The following NFIA variants were observed in gnomAD, a reference collection of about 807,000 sequenced individuals.
NFIA encodes nuclear factor 1 A-type.
NFIA carries 8 observed loss-of-function variants against 62.8 expected under a neutral mutation model. The observed-to-expected ratio is 0.13, with a 90% CI of 0.07 to 0.23. NFIA has a LOEUF of 0.23. Ranked by LOEUF, NFIA falls within the 10% of genes least tolerant of loss-of-function variation. NFIA has a pLI of 1.00. For synonymous variants in NFIA, 235 were observed against 238.1 expected, an observed-to-expected ratio of 0.99 and a Z score of 0.12; for missense variants, 410 against 642.1, an observed-to-expected ratio of 0.64 and a Z score of 3.91.
chr1:61,203,964 G>A (rs1652715860), intron 2 of NFIA, among the ~76,000 whole-genome samples: 1 of 150,846 alleles, frequency 6.6e-6, no homozygotes, highest in African/African-American at 2.4e-5. Flanking sequence ...ATATTTAGGT[G>A]TGTGTATGAG....
At chr1:61,150,179 T>C (rs1257120695) in intron 2 of NFIA, among the ~76,000 whole-genome samples, 3 of 152,206 alleles carry the variant, frequency 2.0e-5, no homozygotes, top group Non-Finnish European at 4.4e-5. Flanking sequence ...CCGTGAGTTA[T>C]TCTCGCGGGG....
At chr1:61,231,312 A>G (rs1188400869) in intron 2 of NFIA, among the ~76,000 whole-genome samples, 2 of 152,164 alleles carry the variant, frequency 1.3e-5, no homozygotes, top group Admixed American at 1.3e-4. Flanking sequence ...TGATGTCACC[A>G]CTAAAGTTTG....
chr1:61,267,410 G>A (rs1386696880), intron 2 of NFIA, among the ~76,000 whole-genome samples: 4 of 152,112 alleles, frequency 2.6e-5, no homozygotes, highest in Non-Finnish European at 4.4e-5. Flanking sequence ...TTGGGAGGCT[G>A]AGGCAGGAGA....
At chr1:61,282,476 C>T (rs1404672330) in intron 3 of NFIA, among the ~76,000 whole-genome samples, 1 of 152,164 alleles carries the variant, frequency 6.6e-6, no homozygotes, top group Non-Finnish European at 1.5e-5. Flanking sequence ...AAATGCCTGC[C>T]TGATATTTAC....
At chr1:61,363,320 TA>T (rs1442197984) in intron 6 of NFIA, among the ~76,000 whole-genome samples, 1 of 152,130 alleles carries the variant, frequency 6.6e-6, no homozygotes, top group African/African-American at 2.4e-5. Context: ...TAAAACGTTA[TA>T]AAGCCGGGTG....
chr1:61,189,296 C>G (rs939619865), intron 2 of NFIA, among the ~76,000 whole-genome samples: 3 of 152,152 alleles, frequency 2.0e-5, no homozygotes, highest in African/African-American at 7.2e-5. Context: ...CCTTCTGCTT[C>G]TGTTCTGCTC....
chr1:61,270,812 A>G (rs138127986), intron 2 of NFIA, among the ~76,000 whole-genome samples: 34 of 152,362 alleles, frequency 2.2e-4, no homozygotes, highest in African/African-American at 7.2e-4. Context: ...GTGATCGGGT[A>G]GACTCAATAA....
At chr1:61,084,094 C>G (rs1019240677) in intron 1 of NFIA, among the ~76,000 whole-genome samples, 2 of 152,262 alleles carry the variant, frequency 1.3e-5, no homozygotes, top group Admixed American at 1.3e-4. Context: ...CCATTAATCA[C>G]CTACATGAAG....
chr1:61,240,466 A>C (rs571227205), intron 2 of NFIA, among the ~76,000 whole-genome samples: 1 of 152,234 alleles, frequency 6.6e-6, no homozygotes, highest in Admixed American at 6.5e-5. Flanking sequence ...CTATAAGAGT[A>C]GGTTCACAGG....
At chr1:61,184,211 G>A (rs897905352) in intron 2 of NFIA, among the ~76,000 whole-genome samples, 1 of 151,622 alleles carries the variant, frequency 6.6e-6, no homozygotes, top group Non-Finnish European at 1.5e-5. Context: ...GACTCGGCTT[G>A]CTTCTCCTGG....
intron 2 of NFIA, among the ~76,000 whole-genome samples, chr1:61,159,774 C>T (rs1451209862): frequency 9.3e-5 from 14 of 150,720 alleles, no homozygotes; most frequent in Middle Eastern, 3.4e-3. Flanking sequence ...CTCTGCCTCC[C>T]GGGCTCAAGC....
At chr1:61,257,142 C>A (rs1370924668) in intron 2 of NFIA, among the ~76,000 whole-genome samples, 1 of 151,884 alleles carries the variant, frequency 6.6e-6, no homozygotes, top group Non-Finnish European at 1.5e-5. Flanking sequence ...ACCCAATATC[C>A]TTAGCTGCGT....
intron 9 of NFIA, among the ~76,000 whole-genome samples, chr1:61,426,018 G>A (rs2100553566): frequency 6.6e-6 from 1 of 152,300 alleles, no homozygotes; most frequent in South Asian, 2.1e-4. Context: ...AGAGGCACAG[G>A]ACCATTTCAT....
intron 2 of NFIA, among the ~76,000 whole-genome samples, chr1:61,102,131 T>C (rs758343113): frequency 8.5e-5 from 13 of 152,226 alleles, no homozygotes; most frequent in Non-Finnish European, 1.2e-4. Context: ...ATTTAAGAAA[T>C]GGCATGGGAT....
intron 4 of NFIA, among the ~76,000 whole-genome samples, chr1:61,347,703 C>A (rs1335315536): frequency 4.6e-5 from 7 of 152,082 alleles, no homozygotes; most frequent in Non-Finnish European, 1.0e-4. Flanking sequence ...TTAGCATGTT[C>A]GGCATTGCAT....
intron 2 of NFIA, among the ~76,000 whole-genome samples, chr1:61,252,751 G>A (rs1186402153): frequency 2.6e-5 from 4 of 152,156 alleles, no homozygotes; most frequent in Non-Finnish European, 1.5e-5. Flanking sequence ...GCCAAAGAAT[G>A]TACATACACA....
intron 7 of NFIA, among the ~76,000 whole-genome samples, chr1:61,397,555 A>G (rs1376813901): frequency 2.0e-5 from 3 of 152,190 alleles, no homozygotes; most frequent in African/African-American, 7.2e-5. Flanking sequence ...TAGTACTATC[A>G]TACTACAAAA....
At chr1:61,268,327 GT>G (rs1214707945) in intron 2 of NFIA, among the ~76,000 whole-genome samples, 2 of 152,256 alleles carry the variant, frequency 1.3e-5, no homozygotes, top group East Asian at 3.9e-4. Flanking sequence ...ACAAGACCCA[GT>G]TGATTTTTTC....
chr1:61,374,831 T>TA (rs1346304493), intron 6 of NFIA, among the ~76,000 whole-genome samples: 1 of 152,212 alleles, frequency 6.6e-6, no homozygotes, highest in Non-Finnish European at 1.5e-5. Flanking sequence ...CTCTCTATCA[T>TA]AAAAATGATT....
Sources: gnomAD v4.1 joint callset for allele counts (sites outside exome capture counted in the v4.1 genomes callset) on GRCh38, gnomAD v4.1.1 for gene constraint, MANE v1.5 for transcripts, NCBI Gene and HGNC (gene_info 2026-07-23, HGNC 2026-07-21) for gene names.